The following HACL1 variants were observed in gnomAD, a reference collection of about 807,000 sequenced individuals.
The protein encoded by HACL1 is 1600020H07Rik.
In HACL1, 64 loss-of-function variants were observed where a neutral mutation model predicts 74.2. The observed-to-expected ratio is 0.86, with a 90% CI of 0.70 to 1.06. The LOEUF (loss-of-function observed/expected upper bound fraction) is 1.06. Among genes scored for constraint, HACL1 ranks in the 50% least tolerant of loss-of-function variants. The pLI is 0.00. For synonymous variants in HACL1, 230 were observed against 238.8 expected (o/e 0.96, Z 0.34); for missense variants, 728 against 719.7 (o/e 1.01, Z -0.13).
chr3:15,579,828 T>A, intron 9 of HACL1, 82 bp downstream of exon 9: 4 of 958,588 alleles, frequency 4.2e-6, no homozygotes, highest in Non-Finnish European at 6.3e-6. Context: ...CAGAACTCCA[T>A]CCTAGATGAA....
chr3:15,562,626 C>T (rs936886288), intron 16 of HACL1, among the ~76,000 whole-genome samples: 11 of 152,082 alleles, frequency 7.2e-5, no homozygotes, highest in South Asian at 4.2e-4. Context: ...ACTGTTCGCA[C>T]GGAAGACAGG....
chr3:15,593,354 C>T (rs982415651), intron 3 of HACL1, among the ~76,000 whole-genome samples: 27 of 151,916 alleles, frequency 1.8e-4, no homozygotes, highest in Non-Finnish European at 3.5e-4. Flanking sequence ...ACCGGGACTA[C>T]AGGCAGATGC....
In HACL1 at chr3:15,582,861, G is replaced by A. The variant is rs781152140; in HGVS notation, c.667+16C>T. ...TTTCAAAAGCCTAGCAAGATTTAGA[G>A]TTCTATTCATGCTACCTTTCCCGAT... On this transcript the variant is annotated intron_variant, in intron 8 of 16. Transcript: ENST00000321169. 6 of 1,296,234 alleles carry A rather than the reference G, an allele frequency of 4.6e-6. No homozygotes were observed. Among genetic ancestry groups the A allele is most frequent in the Non-Finnish European group, 6.7e-6 (6 of 893,914 alleles). The allele number at this position is 1,296,234 out of a possible 1,614,324, so 80.3% of individuals were successfully genotyped here.
At chr3:15,582,660 C>G (rs1461727319) in intron 8 of HACL1, among the ~76,000 whole-genome samples, 1 of 152,022 alleles carries the variant, frequency 6.6e-6, no homozygotes, top group Non-Finnish European at 1.5e-5. Context: ...ACTAATAAGA[C>G]CAAAGAAATT....
intron 1 of HACL1, 76 bp downstream of exon 1, chr3:15,601,307 T>C: frequency 6.3e-7 from 1 of 1,598,438 alleles, no homozygotes; most frequent in South Asian, 1.1e-5. Flanking sequence ...CGCCCATTTC[T>C]ACTCGTCTCC....
chr3:15,568,088 T>C lies in HACL1; in HGVS notation c.1251-86A>G, dbSNP rs551210667. 9 of 1,084,254 alleles carry C rather than the reference T, an allele frequency of 8.3e-6. No individual in the cohort carries two copies. The East Asian group carries it at 9.5e-5, about 11-fold the overall frequency. 67.2% of individuals were successfully genotyped at this position (1,084,254 alleles called of 1,614,324 possible). ...CACAAACCTTCTAGTCATATTTACA[T>C]GGTTGATGGAAAAATGAAGAACCAT... On this transcript the variant is annotated intron_variant, in intron 13 of 16. Transcript: ENST00000321169.
At position 15,601,328 on chromosome 3, in the gene HACL1, C is replaced by A. The variant is rs186750860; in HGVS notation, c.81+55G>T. On this transcript the variant is annotated intron_variant, in intron 1 of 16. Transcript: ENST00000321169. ...TTTCTACTCGTCTCCAAGACAACAT[C>A]GCGGTCCCCGCCAGCTTCCGTAGGA... The A allele has an allele frequency of 5.5e-5, 88 of 1,609,176 alleles. No individual in the cohort carries two copies. In the East Asian group the frequency reaches 1.9e-3, roughly 35 times the overall value.
chr3:15,591,503 C>A, intron 4 of HACL1, 97 bp downstream of exon 4: 2 of 589,982 alleles, frequency 3.4e-6, no homozygotes, highest in Non-Finnish European at 5.9e-6. Context: ...TTTTTTTTTT[C>A]CAAGTCTTTC....
At chr3:15,590,310 A>C (rs747505234) in intron 4 of HACL1, among the ~76,000 whole-genome samples, 1 of 152,094 alleles carries the variant, frequency 6.6e-6, no homozygotes, top group Non-Finnish European at 1.5e-5. Flanking sequence ...ATTCCTCAGC[A>C]ATGAAATTCT....
In HACL1 at chr3:15,601,331, G is replaced by C. The variant is rs1339993225; in HGVS notation, c.81+52C>G. On this transcript the variant is annotated intron_variant, in intron 1 of 16. Transcript: ENST00000321169. The stretch of plus-strand genomic sequence containing the variant: ...CTACTCGTCTCCAAGACAACATCGC[G>C]GTCCCCGCCAGCTTCCGTAGGAGCC... 5 of 1,609,928 alleles carry C rather than the reference G, an allele frequency of 3.1e-6. No homozygotes were observed. In the African/African-American group the frequency reaches 4.0e-5, roughly 13 times the overall value.
chr3:15,568,417 CT>C lies in HACL1; in HGVS notation c.1250+14del. 6.7e-7 allele frequency: 1 copy of C among 1,501,938 alleles called. No individual in the cohort carries two copies. The highest frequency in any genetic ancestry group is 2.0e-5 in the Admixed American group (1 of 49,770). 93.0% of individuals were successfully genotyped at this position (1,501,938 alleles called of 1,614,324 possible). A position where few individuals can be genotyped will look rare whatever the true frequency, so the allele number is the denominator to read the frequency against. On this transcript the variant is annotated intron_variant, in intron 13 of 16. Coordinates refer to ENST00000321169, the MANE Select transcript of HACL1 (RefSeq NM_012260.4). ...TATAATGAATTACGACTTCTTTCTTCTTTAGAAGTCTTACCTGTGACGAGGA... is the reference window on the plus strand; with the variant it reads ...TATAATGAATTACGACTTCTTTCTTCTTAGAAGTCTTACCTGTGACGAGGA...
intron 7 of HACL1, among the ~76,000 whole-genome samples, chr3:15,583,922 G>A (rs1463807137): frequency 1.3e-5 from 2 of 152,042 alleles, no homozygotes; most frequent in South Asian, 2.1e-4. Flanking sequence ...CTCCCAAAGT[G>A]CTGAGATTAC....
At chr3:15,593,050 AGT>A (rs747030557) in intron 3 of HACL1, among the ~76,000 whole-genome samples, 1 of 138,820 alleles carries the variant, frequency 7.2e-6, no homozygotes, top group South Asian at 2.1e-4. Flanking sequence ...TCTGGGCAAG[AGT>A]GAGATGCTAT....
In HACL1 at chr3:15,586,582, A is replaced by G. The variant is rs755863073; in HGVS notation, c.402T>C (p.Tyr134=). ...EFPQVEACRL[Y]TKFSARPSSI... ...TGCTTGGGCGGGCAGAGAACTTGGT[A>G]TATAATCTACAAGCTTCAACCTACA... Residue 134 remains tyrosine (Y), a synonymous_variant, in exon 6 of 17, where the codon TAT becomes TAC. Transcript: ENST00000321169. 1.9e-6 allele frequency: 3 copies of G among 1,595,706 alleles called. No homozygotes were observed. In the Admixed American group the frequency reaches 5.0e-5, roughly 27 times the overall value.
intron 7 of HACL1, among the ~76,000 whole-genome samples, chr3:15,583,804 C>T (rs2063750297): frequency 6.6e-6 from 1 of 152,038 alleles, no homozygotes; most frequent in African/African-American, 2.4e-5. Context: ...ACTACAGGCA[C>T]ATGCCACCAA....
At position 15,596,406 on chromosome 3, in the gene HACL1, C is replaced by T. The variant is rs759979137; in HGVS notation, c.205G>A (p.Ala69Thr). Residue 69 changes from alanine to threonine, a missense_variant, in exon 3 of 17, where the codon GCG becomes ACG. Coordinates refer to ENST00000321169, the MANE Select transcript of HACL1 (RefSeq NM_012260.4). ...TACCTGCTTGTCAGATATCCAATCG[C>T]GGAGGCAGCATAACAAGCCTACGAG... ...NEQAACYAAS[A>T]IGYLTSRPGV... The T allele has an allele frequency of 1.1e-5, 17 of 1,599,194 alleles. No homozygotes were observed. The highest frequency in any genetic ancestry group is 6.6e-5 in the South Asian group (6 of 90,746).
chr3:15,592,170 G>A (rs918040326), intron 3 of HACL1, among the ~76,000 whole-genome samples: 5 of 148,318 alleles, frequency 3.4e-5, no homozygotes, highest in Admixed American at 6.7e-5. Flanking sequence ...ACGTATACAT[G>A]CATGTATATA....
intron 6 of HACL1, 46 bp downstream of exon 6, chr3:15,586,479 T>G: frequency 2.3e-5 from 23 of 996,818 alleles, no homozygotes; most frequent in Non-Finnish European, 3.2e-5. Context: ...TATGAGCAAC[T>G]GAGAAAAATC....
At chr3:15,590,178 C>T (rs2063866106) in intron 4 of HACL1, among the ~76,000 whole-genome samples, 1 of 152,088 alleles carries the variant, frequency 6.6e-6, no homozygotes, top group Non-Finnish European at 1.5e-5. Context: ...GATGCTGACG[C>T]TAAGCTTCCA....
Sources: gnomAD v4.1 joint callset for allele counts (sites outside exome capture counted in the v4.1 genomes callset) on GRCh38, gnomAD v4.1.1 for gene constraint, MANE v1.5 for transcripts, NCBI Gene and HGNC (gene_info 2026-07-23, HGNC 2026-07-21) for gene names.